HAPLN1: variants seen among roughly 807,000 people sequenced by gnomAD.
HAPLN1 encodes hyaluronan and proteoglycan link protein 1.
In HAPLN1, 13 loss-of-function variants were observed where a neutral mutation model predicts 36.5. The ratio of observed to expected loss-of-function variants is 0.36; its 90% CI spans 0.23 to 0.57. HAPLN1 has a LOEUF of 0.57. Ranked by LOEUF, HAPLN1 falls within the 20% of genes least tolerant of loss-of-function variation. HAPLN1 has a pLI of 0.83. For synonymous variants in HAPLN1, 202 were observed against 169.8 expected (o/e 1.19, Z -1.48); for missense variants, 407 against 439.7 (o/e 0.93, Z 0.66).
chr5:83,667,475 AG>A (rs774649699), intron 2 of HAPLN1, among the ~76,000 whole-genome samples: 1 of 151,426 alleles, frequency 6.6e-6, no homozygotes, highest in Non-Finnish European at 1.5e-5. Context: ...TATATATATA[AG>A]TATATTTCCA....
intron 1 of HAPLN1, among the ~76,000 whole-genome samples, chr5:83,706,832 C>G (rs1036511599): frequency 6.6e-6 from 1 of 152,126 alleles, no homozygotes; most frequent in African/African-American, 2.4e-5. Context: ...CTAGAAAACC[C>G]TATAGTTCTG....
chr5:83,701,925 AAAACAC>A lies in HAPLN1; in HGVS notation c.-27+18858_-27+18863del, dbSNP rs576773100. 7.9e-3 allele frequency among the ~76,000 whole-genome samples: 794 copies of A among 100,506 alleles called. 7 individuals are homozygous for A. Among genetic ancestry groups the A allele is most frequent in the African/African-American group, 0.026 (765 of 29,594 alleles). The allele number at this position is 100,506 out of a possible 152,430, so 65.9% of individuals were successfully genotyped here. A position where few individuals can be genotyped will look rare whatever the true frequency, so the allele number is the denominator to read the frequency against. On this transcript the variant is annotated intron_variant, in intron 1 of 4. Coordinates refer to ENST00000274341, the MANE Select transcript of HAPLN1 (RefSeq NM_001884.4). Reference sequence around the variant, plus strand: ...TGGGCGACAGAGCGAGACTTCGACAAAAACACACACACACACACACACACACACACA... The same window carrying A: ...TGGGCGACAGAGCGAGACTTCGACAAACACACACACACACACACACACACA...
At chr5:83,696,468 A>G (rs951172331) in intron 1 of HAPLN1, among the ~76,000 whole-genome samples, 1 of 152,146 alleles carries the variant, frequency 6.6e-6, no homozygotes, top group Non-Finnish European at 1.5e-5. Context: ...GGAATTTACA[A>G]AAGAAAGAAC....
At chr5:83,641,927 A>G (rs924326959) in intron 4 of HAPLN1, 142 bp from the exon 5 acceptor site, 1 of 822,632 alleles carries the variant, frequency 1.2e-6, no homozygotes, top group Non-Finnish European at 1.9e-6. Context: ...TAGAAATGTC[A>G]ATTAAATATA....
At chr5:83,672,171 T>C (rs140336116) in intron 2 of HAPLN1, among the ~76,000 whole-genome samples, 294 of 152,328 alleles carry the variant, frequency 1.9e-3, no homozygotes, top group Middle Eastern at 3.4e-3. Flanking sequence ...TCTATTGCAT[T>C]GGGTATAAAA....
At chr5:83,681,170 C>T (rs1346762044) in intron 1 of HAPLN1, among the ~76,000 whole-genome samples, 2 of 152,032 alleles carry the variant, frequency 1.3e-5, no homozygotes, top group East Asian at 1.9e-4. Flanking sequence ...TCGAATGACT[C>T]ATTATTATGA....
chr5:83,689,352 T>G (rs1038066041), intron 1 of HAPLN1, among the ~76,000 whole-genome samples: 2 of 152,084 alleles, frequency 1.3e-5, no homozygotes, highest in African/African-American at 4.8e-5. Flanking sequence ...TTATGAACAT[T>G]TGCATAATGA....
intron 1 of HAPLN1, among the ~76,000 whole-genome samples, chr5:83,685,514 T>TC (rs1323609625): frequency 1.3e-5 from 2 of 152,096 alleles, no homozygotes; most frequent in African/African-American, 4.8e-5. Flanking sequence ...CATACAACTG[T>TC]AAAAAAATCA....
intron 2 of HAPLN1, among the ~76,000 whole-genome samples, chr5:83,667,685 T>C (rs1750592149): frequency 6.6e-6 from 1 of 152,170 alleles, no homozygotes. Flanking sequence ...AGTTCTCCCA[T>C]TAAACTTTGG....
rs1749620147 is a variant in HAPLN1, at chr5:83,639,567, T to G, written c.*1929A>C. The G allele has an allele frequency of 6.6e-6, 1 of 152,062 alleles. No individual in the cohort carries two copies. The highest frequency in any genetic ancestry group is 2.1e-4 in the South Asian group (1 of 4,834). The allele number at this position is 152,062 out of a possible 1,614,324, so 9.4% of individuals were successfully genotyped here. A position where few individuals can be genotyped will look rare whatever the true frequency, so the allele number is the denominator to read the frequency against. On this transcript the variant is annotated 3_prime_UTR_variant, in exon 5 of 5. Coordinates refer to ENST00000274341, the MANE Select transcript of HAPLN1 (RefSeq NM_001884.4). ...CTTTCAATGAGCTAGCCCCCATATT[T>G]GAGGTGTTAAAGTTGTTATTTGGGA... is the stretch of plus-strand genomic sequence containing the variant.
intron 4 of HAPLN1, among the ~76,000 whole-genome samples, chr5:83,643,942 GT>G (rs1749777269): frequency 6.6e-6 from 1 of 152,204 alleles, no homozygotes; most frequent in East Asian, 1.9e-4. Context: ...CCTGAGCTCT[GT>G]TGATCACCTA....
chr5:83,652,950 T>C, intron 2 of HAPLN1, 126 bp from the exon 3 acceptor site: 1 of 908,380 alleles, frequency 1.1e-6, no homozygotes, highest in Non-Finnish European at 1.6e-6. Flanking sequence ...TTAGCTTCTC[T>C]ACGTAATCTC....
intron 2 of HAPLN1, among the ~76,000 whole-genome samples, chr5:83,658,551 C>T (rs986174209): frequency 6.6e-6 from 1 of 152,164 alleles, no homozygotes; most frequent in African/African-American, 2.4e-5. Flanking sequence ...ACATTTGTCT[C>T]TCGTACTTTA....
At chr5:83,706,013 C>G (rs776010053) in intron 1 of HAPLN1, among the ~76,000 whole-genome samples, 12 of 151,432 alleles carry the variant, frequency 7.9e-5, no homozygotes, top group Non-Finnish European at 1.3e-4. Context: ...AACATGCACC[C>G]TCCTAGAACT....
intron 1 of HAPLN1, among the ~76,000 whole-genome samples, chr5:83,690,761 A>G (rs1751250046): frequency 6.6e-6 from 1 of 152,056 alleles, no homozygotes; most frequent in African/African-American, 2.4e-5. Flanking sequence ...ATTGAAAACT[A>G]TTTATATGGT....
intron 4 of HAPLN1, 147 bp downstream of exon 4, chr5:83,644,216 C>A (rs1460377866): frequency 8.2e-6 from 5 of 608,240 alleles, no homozygotes; most frequent in African/African-American, 7.7e-5. Context: ...CACTCAAGAA[C>A]TTTTTATATC....
chr5:83,656,861 T>C (rs1010355629), intron 2 of HAPLN1, among the ~76,000 whole-genome samples: 2 of 152,102 alleles, frequency 1.3e-5, no homozygotes, highest in Non-Finnish European at 2.9e-5. Flanking sequence ...AGCAATGGCA[T>C]GAGCAAACAA....
At chr5:83,718,157 A>G (rs1373598355) in intron 1 of HAPLN1, among the ~76,000 whole-genome samples, 1 of 152,206 alleles carries the variant, frequency 6.6e-6, no homozygotes, top group Non-Finnish European at 1.5e-5. Context: ...GGAGGCGGAA[A>G]GTTAATGGTA....
chr5:83,661,435 C>CTTTTTTTTTTTT lies in HAPLN1; in HGVS notation c.101-8623_101-8612dup, dbSNP rs56005008. ...CAATGGTGGTCTGTGAGAAAAGCTT[C>CTTTTTTTTTTTT]TTTTTTTTTTTTTTTTTTTTTTTTT... On this transcript the variant is annotated intron_variant, in intron 2 of 4. Transcript: ENST00000274341. Among the ~76,000 whole-genome samples the CTTTTTTTTTTTT allele has an allele frequency of 2.7e-4, 17 of 62,976 alleles. 1 individual carries two copies. Among genetic ancestry groups the CTTTTTTTTTTTT allele is most frequent in the African/African-American group, 1.1e-3 (17 of 14,850 alleles). The allele number at this position is 62,976 out of a possible 152,430, so 41.3% of individuals were successfully genotyped here. A position where few individuals can be genotyped will look rare whatever the true frequency, so the allele number is the denominator to read the frequency against.
Sources: gnomAD v4.1 joint callset for allele counts (sites outside exome capture counted in the v4.1 genomes callset) on GRCh38, gnomAD v4.1.1 for gene constraint, MANE v1.5 for transcripts, NCBI Gene and HGNC (gene_info 2026-07-23, HGNC 2026-07-21) for gene names.